The following ALCAM variants were observed in gnomAD, a reference collection of about 807,000 sequenced individuals.
ALCAM encodes CD166 antigen.
In ALCAM, 30 loss-of-function variants were observed where a neutral mutation model predicts 70.9. The observed-to-expected ratio is 0.42, with a 90% confidence interval of 0.32 to 0.57. The LOEUF (loss-of-function observed/expected upper bound fraction) is 0.57, where lower values mean the gene tolerates loss of function less well. Among genes scored for constraint, ALCAM ranks in the 20% least tolerant of loss-of-function variants. ALCAM has a pLI of 0.11. For missense variants in ALCAM, 591 were observed against 695.1 expected (o/e 0.85, Z 1.68); for synonymous variants, 249 against 242.5 (o/e 1.03, Z -0.25).
At chr3:105,567,723 TG>T (rs1422480775) in intron 14 of ALCAM, among the ~76,000 whole-genome samples, 1 of 152,206 alleles carries the variant, frequency 6.6e-6, no homozygotes, top group Non-Finnish European at 1.5e-5. Context: ...ATTATATAAT[TG>T]ACTTAAAATT....
At chr3:105,503,593 A>T (rs1938984873) in intron 1 of ALCAM, among the ~76,000 whole-genome samples, 1 of 152,052 alleles carries the variant, frequency 6.6e-6, no homozygotes, top group Non-Finnish European at 1.5e-5. Flanking sequence ...CTGCTGCCAT[A>T]ATTTTCAATA....
intron 14 of ALCAM, among the ~76,000 whole-genome samples, chr3:105,570,332 GAATTATAT>G (rs1425300787): frequency 6.6e-6 from 1 of 152,006 alleles, no homozygotes. Context: ...AAGAGAAAAA[GAATTATAT>G]CTTTCAGTTC....
chr3:105,379,521 G>A (rs1376402041), intron 1 of ALCAM, among the ~76,000 whole-genome samples: 1 of 151,674 alleles, frequency 6.6e-6, no homozygotes, highest in Non-Finnish European at 1.5e-5. Flanking sequence ...AAAGACATAT[G>A]TAATGCACTA....
chr3:105,495,173 G>A (rs1021807045), intron 1 of ALCAM, among the ~76,000 whole-genome samples: 3 of 152,140 alleles, frequency 2.0e-5, no homozygotes, highest in East Asian at 1.9e-4. Flanking sequence ...CTGTGGTGAC[G>A]AGCTTGTGAA....
intron 3 of ALCAM, chr3:105,525,200 C>CAAGGGGAGAAAGTAGAGTAGTGATGGAAG (rs1939669106): frequency 2.0e-6 from 2 of 984,628 alleles, no homozygotes; most frequent in Non-Finnish European, 2.4e-6. Flanking sequence ...TGGGATACAC[C>CAAGGGGAGAAAGTAGAGTAGTGATGGAAG]AAGGGGAGAA....
chr3:105,556,666 A>T (rs973306802), intron 14 of ALCAM, among the ~76,000 whole-genome samples: 1 of 151,986 alleles, frequency 6.6e-6, no homozygotes, highest in Non-Finnish European at 1.5e-5. Context: ...AATGTTAATT[A>T]AGCCTTTCTA....
rs1261955284 is a variant in ALCAM, at chr3:105,384,703, A to T, written c.73+17222A>T. ...CTCTCGTTTATTAAATACCTGCTGT[A>T]CTCCATGTAAAATAGTACTTTACGA... On this transcript the variant is annotated intron_variant, in intron 1 of 15. Transcript: ENST00000306107. 2.6e-5 allele frequency among the ~76,000 whole-genome samples: 4 copies of T among 151,662 alleles called. No individual in the cohort carries two copies. The East Asian group carries it at 7.8e-4, about 29-fold the overall frequency.
At chr3:105,558,951 TA>T (rs1387775615) in intron 14 of ALCAM, among the ~76,000 whole-genome samples, 1 of 151,908 alleles carries the variant, frequency 6.6e-6, no homozygotes, top group Non-Finnish European at 1.5e-5. Flanking sequence ...TACATGAGGA[TA>T]AAAACCCAGG....
At chr3:105,533,413 A>G (rs886701103) in intron 4 of ALCAM, among the ~76,000 whole-genome samples, 190 bp from the exon 5 acceptor site, 1 of 152,188 alleles carries the variant, frequency 6.6e-6, no homozygotes, top group African/African-American at 2.4e-5. Flanking sequence ...TTTCAAATAA[A>G]TTGTTAAAAA....
intron 2 of ALCAM, among the ~76,000 whole-genome samples, chr3:105,523,159 AAAAAAAAG>A (rs1348364040): frequency 3.3e-5 from 5 of 150,692 alleles, no homozygotes; most frequent in Non-Finnish European, 7.4e-5. Context: ...AAAAAAAAAA[AAAAAAAAG>A]AAAGCCCAAA....
chr3:105,484,810 T>A (rs1035541274), intron 1 of ALCAM, among the ~76,000 whole-genome samples: 1 of 152,058 alleles, frequency 6.6e-6, no homozygotes, highest in Admixed American at 6.6e-5. Flanking sequence ...CATGGACATG[T>A]GCCACCAGAA....
intron 1 of ALCAM, among the ~76,000 whole-genome samples, chr3:105,472,480 G>A (rs563035629): frequency 2.6e-5 from 4 of 151,516 alleles, no homozygotes; most frequent in Non-Finnish European, 4.4e-5. Context: ...CTGCTGTGAA[G>A]CAGGACACCA....
chr3:105,554,958 C>A lies in ALCAM; in HGVS notation c.1664+2373C>A, dbSNP rs113373257. ...TTAGCTGGAAAAAAAAACTATAATTCTTTACATTAGGGTCAAATAAATGTT... is the reference window on the plus strand; with the variant it reads ...TTAGCTGGAAAAAAAAACTATAATTATTTACATTAGGGTCAAATAAATGTT... On this transcript the variant is annotated intron_variant, in intron 14 of 15. Transcript: ENST00000306107. Among the ~76,000 whole-genome samples the A allele has an allele frequency of 5.7e-3, 860 of 151,968 alleles. 5 individuals are homozygous for A. Among genetic ancestry groups the A allele is most frequent in the African/African-American group, 0.02 (819 of 41,512 alleles).
Position 105,378,837 on chromosome 3 carries a change from G to C in ALCAM, c.73+11356G>C, listed in dbSNP as rs545559491. 2.6e-5 allele frequency among the ~76,000 whole-genome samples: 4 copies of C among 152,022 alleles called. No individual in the cohort carries two copies. In the South Asian group the frequency reaches 8.3e-4, roughly 31 times the overall value. On this transcript the variant is annotated intron_variant, in intron 1 of 15. Coordinates refer to ENST00000306107, the MANE Select transcript of ALCAM (RefSeq NM_001627.4). Reference sequence around the variant, plus strand: ...GTAGGGTTTCAGGGTATGGTTTGGAGGTTATCATTTTCTAGAATCCATCCA... The same window carrying C: ...GTAGGGTTTCAGGGTATGGTTTGGACGTTATCATTTTCTAGAATCCATCCA...
At chr3:105,569,241 T>C (rs533498990) in intron 14 of ALCAM, among the ~76,000 whole-genome samples, 31 of 149,978 alleles carry the variant, frequency 2.1e-4, no homozygotes, top group Non-Finnish European at 3.3e-4. Flanking sequence ...AAAGGAGAAG[T>C]AGAAAGAAAA....
At chr3:105,423,324 T>C (rs1936714939) in intron 1 of ALCAM, among the ~76,000 whole-genome samples, 1 of 151,370 alleles carries the variant, frequency 6.6e-6, no homozygotes, top group South Asian at 2.1e-4. Flanking sequence ...TGTTATCATG[T>C]CTATGGCGTC....
intron 6 of ALCAM, among the ~76,000 whole-genome samples, chr3:105,538,723 G>C (rs1168579789): frequency 1.3e-5 from 2 of 152,082 alleles, no homozygotes; most frequent in Admixed American, 1.3e-4. Flanking sequence ...GGTCAGCAGG[G>C]CACCAAAACC....
chr3:105,383,725 T>C (rs997192371), intron 1 of ALCAM, among the ~76,000 whole-genome samples: 7 of 151,716 alleles, frequency 4.6e-5, no homozygotes, highest in Non-Finnish European at 5.9e-5. Flanking sequence ...AGTTTCCATA[T>C]TGAACATAGT....
At chr3:105,403,532 G>T (rs902745599) in intron 1 of ALCAM, among the ~76,000 whole-genome samples, 11 of 152,006 alleles carry the variant, frequency 7.2e-5, no homozygotes, top group South Asian at 6.2e-4. Context: ...TAGGAGAAGG[G>T]GGAGAACACC....
Sources: gnomAD v4.1 joint callset for allele counts (sites outside exome capture counted in the v4.1 genomes callset) on GRCh38, gnomAD v4.1.1 for gene constraint, MANE v1.5 for transcripts, NCBI Gene and HGNC (gene_info 2026-07-23, HGNC 2026-07-21) for gene names.